Variants in NALF1 observed in about 807,000 individuals in gnomAD.
The protein encoded by NALF1 is NALCN channel auxiliary factor 1.
In NALF1, 3 loss-of-function variants were observed where a neutral mutation model predicts 48.4. The observed-to-expected ratio is 0.06, with a 90% confidence interval of 0.03 to 0.16. The LOEUF (loss-of-function observed/expected upper bound fraction) is 0.16, where lower values mean the gene tolerates loss of function less well. Among genes scored for constraint, NALF1 ranks in the 10% least tolerant of loss-of-function variants. NALF1 has a pLI of 1.00. For synonymous variants in NALF1, 262 were observed against 245.7 expected (o/e 1.07, Z -0.62); for missense variants, 526 against 571.5 (o/e 0.92, Z 0.81).
At chr13:107,290,730 T>C (rs948818004) in intron 1 of NALF1, among the ~76,000 whole-genome samples, 1 of 152,232 alleles carries the variant, frequency 6.6e-6, no homozygotes, top group Admixed American at 6.5e-5. Context: ...CTTGTATCAT[T>C]ATTTTATTTT....
At chr13:107,590,246 AT>A (rs1878569368) in intron 1 of NALF1, among the ~76,000 whole-genome samples, 1 of 152,020 alleles carries the variant, frequency 6.6e-6, no homozygotes, top group Non-Finnish European at 1.5e-5. Context: ...GACTTGCAAA[AT>A]ATTAATTTTA....
At chr13:107,635,329 T>C (rs1266620094) in intron 1 of NALF1, among the ~76,000 whole-genome samples, 1 of 152,016 alleles carries the variant, frequency 6.6e-6, no homozygotes, top group Non-Finnish European at 1.5e-5. Context: ...AACATGTCCT[T>C]CTTCACATGA....
At chr13:107,334,665 TA>T (rs1166688561) in intron 1 of NALF1, among the ~76,000 whole-genome samples, 1 of 152,192 alleles carries the variant, frequency 6.6e-6, no homozygotes, top group Non-Finnish European at 1.5e-5. Flanking sequence ...TAAGACTTTT[TA>T]AAAAACCTTT....
At chr13:107,778,710 G>C (rs1877806541) in intron 1 of NALF1, among the ~76,000 whole-genome samples, 1 of 151,924 alleles carries the variant, frequency 6.6e-6, no homozygotes, top group Non-Finnish European at 1.5e-5. Flanking sequence ...TAAACCTTAG[G>C]GTCTCTCCCT....
chr13:107,296,309 C>G (rs1352257766), intron 1 of NALF1, among the ~76,000 whole-genome samples: 6 of 152,074 alleles, frequency 3.9e-5, no homozygotes, highest in Non-Finnish European at 8.8e-5. Flanking sequence ...AGAATAATAA[C>G]TAGAAGAAGA....
At chr13:107,503,199 G>A (rs184895793) in intron 1 of NALF1, among the ~76,000 whole-genome samples, 87 of 152,220 alleles carry the variant, frequency 5.7e-4, no homozygotes, top group African/African-American at 1.8e-3. Context: ...TTGAAACTGT[G>A]GCCTTTGCAG....
chr13:107,246,866 A>G (rs1880596309), intron 1 of NALF1, among the ~76,000 whole-genome samples: 1 of 152,196 alleles, frequency 6.6e-6, no homozygotes, highest in African/African-American at 2.4e-5. Flanking sequence ...TTTCAAAATT[A>G]TAATAAACAA....
intron 1 of NALF1, among the ~76,000 whole-genome samples, chr13:107,338,141 G>A (rs553911384): frequency 1.4e-4 from 21 of 152,132 alleles, no homozygotes; most frequent in Non-Finnish European, 2.4e-4. Flanking sequence ...TATAATCCTT[G>A]TATACTTCAT....
chr13:107,170,665 C>A lies in NALF1; in HGVS notation c.1209G>T (p.Ser403=), dbSNP rs778245418. 3.1e-6 allele frequency: 5 copies of A among 1,614,050 alleles called. No homozygotes were observed. Among genetic ancestry groups the A allele is most frequent in the Middle Eastern group, 1.6e-4 (1 of 6,084 alleles). ...VEKSGSCHRT[S]LTVSSATRLC... ...GTCTTGTTGCTGATGACACTGTGAG[C>A]GATGTCCTGTGACAGGAGCCACTTT... The change falls in exon 3 of 3, where the codon TCG becomes TCT. Residue 403 remains serine, a synonymous_variant. Transcript: ENST00000375915.
rs1370408228 is a variant in NALF1, at chr13:107,663,481, TC to T, written c.915+202200del. ...TAAAGGTTAAAAAGACCTTTAAAGATCTTCAAAGCAGAAAACCCTGCAGAAG... is the reference window on the plus strand; with the variant it reads ...TAAAGGTTAAAAAGACCTTTAAAGATTTCAAAGCAGAAAACCCTGCAGAAG... On this transcript the variant is annotated intron_variant, in intron 1 of 2. Coordinates refer to ENST00000375915, the MANE Select transcript of NALF1 (RefSeq NM_001080396.3). Among the ~76,000 whole-genome samples, 214 of 152,310 alleles carry T rather than the reference TC, an allele frequency of 1.4e-3. 4 individuals are homozygous for T. Among genetic ancestry groups the T allele is most frequent in the Non-Finnish European group, 1.7e-3 (118 of 68,020 alleles).
At chr13:107,790,824 A>G (rs1424536536) in intron 1 of NALF1, among the ~76,000 whole-genome samples, 1 of 151,950 alleles carries the variant, frequency 6.6e-6, no homozygotes, top group African/African-American at 2.4e-5. Context: ...TTTTAGTTAT[A>G]TAATATACAG....
intron 1 of NALF1, among the ~76,000 whole-genome samples, chr13:107,865,353 C>T (rs1377422716): frequency 6.6e-6 from 1 of 152,148 alleles, no homozygotes; most frequent in African/African-American, 2.4e-5. Flanking sequence ...CCTGACAAGA[C>T]TTTTTCAACT....
intron 1 of NALF1, among the ~76,000 whole-genome samples, chr13:107,261,215 T>C (rs1486320691): frequency 6.6e-6 from 1 of 152,192 alleles, no homozygotes; most frequent in Non-Finnish European, 1.5e-5. Flanking sequence ...AGGAGGCAGG[T>C]GACATCAGGG....
intron 1 of NALF1, among the ~76,000 whole-genome samples, chr13:107,852,684 T>TCACCATTA (rs1251971745): frequency 6.6e-6 from 1 of 152,182 alleles, no homozygotes; most frequent in African/African-American, 2.4e-5. Context: ...AAATGGTCCT[T>TCACCATTA]CACCATTACT....
In NALF1 at chr13:107,439,850, T is replaced by C. The variant is rs1046536819; in HGVS notation, c.916-229095A>G. ...AATTTACCTGGAATATTGTGAGTTG[T>C]TTCTGAGTAGGGGAAAGAGAGGGTC... On this transcript the variant is annotated intron_variant, in intron 1 of 2. Coordinates refer to ENST00000375915, the MANE Select transcript of NALF1 (RefSeq NM_001080396.3). Among the ~76,000 whole-genome samples, 16 of 152,312 alleles carry C rather than the reference T, an allele frequency of 1.1e-4. 1 individual carries two copies. Among genetic ancestry groups the C allele is most frequent in the Admixed American group, 4.6e-4 (7 of 15,290 alleles).
At chr13:107,344,295 C>G (rs1213640328) in intron 1 of NALF1, among the ~76,000 whole-genome samples, 1 of 152,016 alleles carries the variant, frequency 6.6e-6, no homozygotes, top group Non-Finnish European at 1.5e-5. Context: ...CAAACTCTTC[C>G]AAAAAACTGA....
intron 1 of NALF1, among the ~76,000 whole-genome samples, chr13:107,569,476 A>T (rs1490601241): frequency 2.0e-5 from 3 of 152,078 alleles, no homozygotes; most frequent in Non-Finnish European, 4.4e-5. Flanking sequence ...CGTCTCAAAA[A>T]AAAAAAGAAA....
At chr13:107,741,630 G>C (rs930264771) in intron 1 of NALF1, among the ~76,000 whole-genome samples, 1 of 152,174 alleles carries the variant, frequency 6.6e-6, no homozygotes, top group Non-Finnish European at 1.5e-5. Context: ...ACTGCATTTA[G>C]AAATTGGTAT....
chr13:107,251,562 C>T (rs1373587585), intron 1 of NALF1, among the ~76,000 whole-genome samples: 8 of 152,202 alleles, frequency 5.3e-5, no homozygotes, highest in Admixed American at 1.3e-4. Flanking sequence ...GCCTCGGAGA[C>T]GGGTGGCAAG....
Sources: gnomAD v4.1 joint callset for allele counts (sites outside exome capture counted in the v4.1 genomes callset) on GRCh38, gnomAD v4.1.1 for gene constraint, MANE v1.5 for transcripts, NCBI Gene and HGNC (gene_info 2026-07-23, HGNC 2026-07-21) for gene names.